The following UCHL3 variants were observed in gnomAD, a reference collection of about 807,000 sequenced individuals.
UCHL3 encodes the protein ubiquitin carboxyl-terminal hydrolase isozyme L3.
In UCHL3, 22 loss-of-function variants were observed where a neutral mutation model predicts 35.8. The observed-to-expected ratio is 0.61, with a 90% CI of 0.44 to 0.88. UCHL3 has a LOEUF of 0.88. Ranked by LOEUF, UCHL3 falls within the 40% of genes least tolerant of loss-of-function variation. The pLI, the probability that UCHL3 is intolerant of heterozygous loss-of-function variation, is 0.00. For missense variants in UCHL3, 229 were observed against 276.9 expected (o/e 0.83, Z 1.23); for synonymous variants, 90 against 92.8 (o/e 0.97, Z 0.17).
intron 6 of UCHL3, among the ~76,000 whole-genome samples, chr13:75,590,993 G>A (rs554501257): frequency 1.1e-4 from 17 of 152,290 alleles, no homozygotes; most frequent in Admixed American, 3.9e-4. Flanking sequence ...TGGTTTGGCA[G>A]AGCCTCCCTA....
rs768831713 is a variant in UCHL3 at position 75,566,858 on chromosome 13, G to A, written c.340+7G>A. On this transcript the variant is annotated splice_region_variant and intron_variant, in intron 4 of 8. Coordinates refer to ENST00000377595, the MANE Select transcript of UCHL3 (RefSeq NM_006002.5). The stretch of plus-strand genomic sequence containing the variant: ...AAAGACAAGATGCACTTTGGTAAAT[G>A]ATTTTTCATTACTGCATTTTTTCCC... 3.8e-6 allele frequency: 6 copies of A among 1,581,816 alleles called. No individual in the cohort carries two copies. The South Asian group carries it at 4.7e-5, about 12-fold the overall frequency.
chr13:75,556,589 T>C (rs1287231163), intron 2 of UCHL3, among the ~76,000 whole-genome samples: 1 of 152,186 alleles, frequency 6.6e-6, no homozygotes, highest in Non-Finnish European at 1.5e-5. Flanking sequence ...GAGTTTTTGT[T>C]ATTTGACTGT....
At chr13:75,558,855 T>C (rs2031382335) in intron 2 of UCHL3, among the ~76,000 whole-genome samples, 2 of 152,196 alleles carry the variant, frequency 1.3e-5, no homozygotes, top group South Asian at 4.1e-4. Flanking sequence ...AGTTAATTTT[T>C]ATCCTTTTTG....
intron 6 of UCHL3, among the ~76,000 whole-genome samples, chr13:75,577,271 GA>G (rs1040954593): frequency 1.3e-5 from 2 of 151,744 alleles, no homozygotes; most frequent in East Asian, 3.9e-4. Flanking sequence ...AAAATATTTG[GA>G]AAAAAAAGAT....
At chr13:75,605,317 G>T (rs989786962) in intron 8 of UCHL3, among the ~76,000 whole-genome samples, 2 of 152,170 alleles carry the variant, frequency 1.3e-5, no homozygotes, top group African/African-American at 4.8e-5. Flanking sequence ...AGACCAGCCT[G>T]ACCAATATGG....
chr13:75,584,402 A>C (rs566240120), intron 6 of UCHL3, among the ~76,000 whole-genome samples: 2 of 152,176 alleles, frequency 1.3e-5, no homozygotes, highest in African/African-American at 4.8e-5. Context: ...CCCAACTTCC[A>C]CTCTAAGCAC....
At chr13:75,571,535 A>G (rs74094448) in intron 6 of UCHL3, among the ~76,000 whole-genome samples, 10,677 of 152,246 alleles carry the variant, frequency 0.07, 1,250 homozygotes, top group African/African-American at 0.24. Context: ...GTAACTATCT[A>G]GGACAAATTC....
intron 5 of UCHL3, among the ~76,000 whole-genome samples, chr13:75,567,715 T>C (rs1593730711): frequency 1.3e-5 from 2 of 152,210 alleles, no homozygotes; most frequent in East Asian, 1.9e-4. Context: ...ACCTGGCTAA[T>C]TTTTGTATTT....
At chr13:75,554,949 C>T (rs2031242102) in intron 2 of UCHL3, among the ~76,000 whole-genome samples, 2 of 152,260 alleles carry the variant, frequency 1.3e-5, no homozygotes, top group South Asian at 2.1e-4. Context: ...GTCTTTGTAT[C>T]CATGTGTTCT....
chr13:75,589,275 G>A (rs141889521), intron 6 of UCHL3, among the ~76,000 whole-genome samples: 32 of 152,176 alleles, frequency 2.1e-4, no homozygotes, highest in African/African-American at 7.7e-4. Flanking sequence ...GTTACTGGAA[G>A]GTTAAATGAA....
intron 3 of UCHL3, 74 bp downstream of exon 3, chr13:75,560,955 G>A: frequency 7.3e-7 from 1 of 1,365,902 alleles, no homozygotes; most frequent in Non-Finnish European, 9.7e-7. Flanking sequence ...TTTTGAGGCA[G>A]TATCTCGCTC....
At chr13:75,549,900 G>C in intron 1 of UCHL3, 38 bp downstream of exon 1, 1 of 1,614,000 alleles carries the variant, frequency 6.2e-7, no homozygotes, top group Non-Finnish European at 8.5e-7. Context: ...CCGTGGGCAG[G>C]TGCAGAGGGA....
In UCHL3 at chr13:75,604,840, C is replaced by G; in HGVS notation, c.609+13C>G. The G allele has an allele frequency of 6.3e-7, 1 of 1,581,722 alleles. No homozygotes were observed. Among genetic ancestry groups the G allele is most frequent in the Admixed American group, 1.8e-5 (1 of 55,006 alleles). ...AACTTTATTAGAGGTAACAGTAACA[C>G]TTGTTGGCCCATCTTCATCAATATT... On this transcript the variant is annotated intron_variant, in intron 8 of 8. Transcript: ENST00000377595.
At chr13:75,562,475 C>G (rs2031548961) in intron 3 of UCHL3, among the ~76,000 whole-genome samples, 1 of 151,480 alleles carries the variant, frequency 6.6e-6, no homozygotes, top group Admixed American at 6.6e-5. Context: ...TTTTTGATTA[C>G]AAAAATAAGC....
At position 75,597,547 on chromosome 13, in the gene UCHL3, T is replaced by A. The variant is rs187944941; in HGVS notation, c.550+2557T>A. ...CAAATTTTGAAAACAACATAACAACTATTTACATAGCATTTATATTGTATT... is the reference window on the plus strand; with the variant it reads ...CAAATTTTGAAAACAACATAACAACAATTTACATAGCATTTATATTGTATT... On this transcript the variant is annotated intron_variant, in intron 7 of 8. Transcript: ENST00000377595. Among the ~76,000 whole-genome samples, 12 of 152,246 alleles carry A rather than the reference T, an allele frequency of 7.9e-5. No homozygotes were observed. In the East Asian group the frequency reaches 2.3e-3, roughly 29 times the overall value.
chr13:75,579,270 T>G (rs1284068065), intron 6 of UCHL3, among the ~76,000 whole-genome samples: 1 of 152,122 alleles, frequency 6.6e-6, no homozygotes, highest in Admixed American at 6.5e-5. Context: ...AAACAATACA[T>G]GTATCATGCG....
At chr13:75,586,748 A>G (rs1041730329) in intron 6 of UCHL3, among the ~76,000 whole-genome samples, 3 of 152,020 alleles carry the variant, frequency 2.0e-5, no homozygotes, top group Non-Finnish European at 4.4e-5. Flanking sequence ...AAATATTTAG[A>G]TATTCAATAG....
intron 2 of UCHL3, among the ~76,000 whole-genome samples, chr13:75,556,982 C>T (rs767223540): frequency 7.9e-5 from 12 of 152,018 alleles, no homozygotes; most frequent in Non-Finnish European, 1.6e-4. Flanking sequence ...TTTGGGAGGC[C>T]GGGGCCAGAG....
At chr13:75,605,315 C>G (rs536113937) in intron 8 of UCHL3, among the ~76,000 whole-genome samples, 2 of 152,226 alleles carry the variant, frequency 1.3e-5, no homozygotes, top group South Asian at 4.2e-4. Flanking sequence ...CGAGACCAGC[C>G]TGACCAATAT....
Sources: allele counts gnomAD v4.1 joint callset (sites outside exome capture counted in the v4.1 genomes callset), GRCh38; gene constraint gnomAD v4.1.1; transcripts MANE v1.5; gene names NCBI Gene and HGNC (gene_info 2026-07-23, HGNC 2026-07-21).